Variants in COG5 observed in about 807,000 individuals in gnomAD.
COG5 encodes the protein component of oligomeric golgi complex 5.
In COG5, 86 loss-of-function variants were observed where a neutral mutation model predicts 110.4. The ratio of observed to expected loss-of-function variants is 0.78; its 90% CI spans 0.65 to 0.93. The LOEUF (loss-of-function observed/expected upper bound fraction) is 0.93. COG5 is among the 40% of genes least tolerant of loss of function. The probability of loss-of-function intolerance (pLI) is 0.00; values close to 1 mark genes in which losing one functional copy is unlikely to be tolerated. For synonymous variants in COG5, 360 were observed against 334.6 expected (o/e 1.08, Z -0.83); for missense variants, 1,077 against 987.0 (o/e 1.09, Z -1.22).
chr7:107,244,305 A>T (rs970079602), intron 17 of COG5, among the ~76,000 whole-genome samples: 1 of 152,228 alleles, frequency 6.6e-6, no homozygotes, highest in Non-Finnish European at 1.5e-5. Flanking sequence ...AACATATCAC[A>T]ATCTCTGGGA....
rs542663802 is a variant in COG5 at position 107,297,075 on chromosome 7, T to C, written c.1313+1067A>G. Among the ~76,000 whole-genome samples, 477 of 152,322 alleles carry C rather than the reference T, an allele frequency of 3.1e-3. 4 individuals are homozygous for C. The highest frequency in any genetic ancestry group is 0.011 in the African/African-American group (447 of 41,576). ...CCAATATGGCTCCTAAATATGGCTA[T>C]ACTACTATACTTCATGGGTGACCTA... On this transcript the variant is annotated intron_variant, in intron 12 of 21. Transcript: ENST00000297135.
chr7:107,525,751 T>C (rs1485798258), intron 6 of COG5, among the ~76,000 whole-genome samples: 6 of 152,194 alleles, frequency 3.9e-5, no homozygotes, highest in African/African-American at 1.4e-4. Context: ...ACTTCTCAAT[T>C]TTTACTTTTT....
At chr7:107,419,624 A>G (rs186655140) in intron 6 of COG5, among the ~76,000 whole-genome samples, 254 of 151,460 alleles carry the variant, frequency 1.7e-3, no homozygotes, top group African/African-American at 5.7e-3. Flanking sequence ...CTGGAGTGCA[A>G]TGGCACAATC....
rs1802616449 is a variant in COG5 at position 107,548,307 on chromosome 7, T to G, written c.318A>C (p.Arg106Ser). 1 of 1,613,880 alleles carries G rather than the reference T, an allele frequency of 6.2e-7. No individual in the cohort carries two copies. The highest frequency in any genetic ancestry group is 2.2e-5 in the East Asian group (1 of 44,868). ...CAACAGCTCCCTGTAAAGCCCCAATTCTCGTCTGCATCATCTGAAGAACAC... is the reference window on the plus strand; with the variant it reads ...CAACAGCTCCCTGTAAAGCCCCAATGCTCGTCTGCATCATCTGAAGAACAC... ...LEGVLQMMQT[R>S]IGALQGAVDR... The change falls in exon 4 of 22, where the codon AGA becomes AGC. Residue 106 changes from arginine (R) to serine (S), a missense_variant. Arg to Ser is a moderately radical substitution (Grantham distance 110). Transcript: ENST00000297135.
chr7:107,415,241 T>C (rs2129068922), intron 6 of COG5, among the ~76,000 whole-genome samples: 1 of 152,278 alleles, frequency 6.6e-6, no homozygotes, highest in Non-Finnish European at 1.5e-5. Context: ...AGGGTAAATC[T>C]TCATGCACCA....
chr7:107,541,388 T>C (rs1486519788), intron 5 of COG5, among the ~76,000 whole-genome samples: 1 of 145,978 alleles, frequency 6.9e-6, no homozygotes, highest in Non-Finnish European at 1.5e-5. Flanking sequence ...TCTCAGCTAC[T>C]CAGGAGGCTG....
intron 8 of COG5, among the ~76,000 whole-genome samples, chr7:107,365,597 A>C (rs975092788): frequency 4.3e-4 from 23 of 54,068 alleles, no homozygotes; most frequent in Middle Eastern, 7.4e-3. Flanking sequence ...GCAAAATGAC[A>C]AAAAAAAAAA....
intron 11 of COG5, among the ~76,000 whole-genome samples, chr7:107,310,561 A>C (rs1338522719): frequency 2.0e-5 from 3 of 152,254 alleles, no homozygotes; most frequent in African/African-American, 7.2e-5. Flanking sequence ...AAGGGAGAAG[A>C]AACGATAAAG....
intron 19 of COG5, among the ~76,000 whole-genome samples, chr7:107,217,222 T>C (rs967381977): frequency 1.3e-5 from 2 of 151,876 alleles, no homozygotes; most frequent in African/African-American, 4.8e-5. Context: ...AGCAGACCAA[T>C]AATGAGTAAA....
chr7:107,205,667 C>A (rs1275984242), intron 21 of COG5, among the ~76,000 whole-genome samples: 1 of 152,178 alleles, frequency 6.6e-6, no homozygotes, highest in Non-Finnish European at 1.5e-5. Flanking sequence ...CTTAGAATAC[C>A]CTTCCTTGCT....
chr7:107,456,541 G>A (rs763246860), intron 6 of COG5, among the ~76,000 whole-genome samples: 8 of 152,138 alleles, frequency 5.3e-5, no homozygotes, highest in African/African-American at 1.2e-4. Context: ...TAAACACAAC[G>A]AACTCAATTA....
At chr7:107,268,208 T>C (rs777214529) in intron 14 of COG5, among the ~76,000 whole-genome samples, 6 of 152,160 alleles carry the variant, frequency 3.9e-5, no homozygotes, top group Non-Finnish European at 7.4e-5. Flanking sequence ...ACTCAGGTGA[T>C]CCGCCTGCCT....
intron 7 of COG5, among the ~76,000 whole-genome samples, chr7:107,389,075 G>C (rs757663514): frequency 2.0e-5 from 3 of 152,168 alleles, no homozygotes; most frequent in Non-Finnish European, 4.4e-5. Context: ...CTCTCACTTT[G>C]TCTGCAACCT....
chr7:107,252,166 C>T (rs1008696485), intron 16 of COG5, among the ~76,000 whole-genome samples: 7 of 152,096 alleles, frequency 4.6e-5, no homozygotes, highest in South Asian at 2.1e-4. Context: ...GGCTGTAGCA[C>T]GCCATAATCG....
intron 6 of COG5, among the ~76,000 whole-genome samples, chr7:107,455,896 C>T (rs1009314593): frequency 3.3e-5 from 5 of 151,888 alleles, no homozygotes; most frequent in Middle Eastern, 3.4e-3. Context: ...CGCGTTCAAG[C>T]GATTCTTGTG....
chr7:107,363,558 A>G (rs1032914627), intron 8 of COG5, among the ~76,000 whole-genome samples: 1 of 152,204 alleles, frequency 6.6e-6, no homozygotes, highest in African/African-American at 2.4e-5. Flanking sequence ...TCAGCTAATA[A>G]ATGCAGAAAG....
intron 21 of COG5, among the ~76,000 whole-genome samples, chr7:107,206,397 CTTAG>C (rs966921910): frequency 2.0e-5 from 3 of 152,116 alleles, no homozygotes; most frequent in African/African-American, 7.2e-5. Flanking sequence ...TGTGAGATGC[CTTAG>C]TTAAACCAGA....
At chr7:107,213,263 C>G (rs1214338669) in intron 19 of COG5, among the ~76,000 whole-genome samples, 1 of 152,120 alleles carries the variant, frequency 6.6e-6, no homozygotes, top group Admixed American at 6.5e-5. Flanking sequence ...CACCCCAAGG[C>G]CCTACCCAGG....
intron 10 of COG5, among the ~76,000 whole-genome samples, chr7:107,349,882 G>A (rs1811984929): frequency 6.6e-6 from 1 of 152,014 alleles, no homozygotes. Flanking sequence ...AGTGGAGACA[G>A]GGTTTCACCA....
Sources: allele counts gnomAD v4.1 joint callset (sites outside exome capture counted in the v4.1 genomes callset), GRCh38; gene constraint gnomAD v4.1.1; transcripts MANE v1.5; gene names NCBI Gene and HGNC (gene_info 2026-07-23, HGNC 2026-07-21).